CCSER1: variants seen among roughly 807,000 people sequenced by gnomAD.
CCSER1 encodes serine-rich coiled-coil domain-containing protein 1.
CCSER1 carries 41 observed loss-of-function variants against 82.0 expected under a neutral mutation model. The observed-to-expected ratio is 0.50, with a 90% CI of 0.39 to 0.65. CCSER1 has a LOEUF of 0.65. Ranked by LOEUF, CCSER1 falls within the 30% of genes least tolerant of loss-of-function variation. The probability of loss-of-function intolerance (pLI) is 0.00; values close to 1 mark genes in which losing one functional copy is unlikely to be tolerated. For synonymous variants in CCSER1, 414 were observed against 383.9 expected, an observed-to-expected ratio of 1.08 and a Z score of -0.92; for missense variants, 1,119 against 1,064.2, an observed-to-expected ratio of 1.05 and a Z score of -0.72.
At chr4:91,518,285 G>T (rs1760260618) in intron 10 of CCSER1, among the ~76,000 whole-genome samples, 2 of 152,154 alleles carry the variant, frequency 1.3e-5, no homozygotes, top group Admixed American at 6.5e-5. Context: ...AGTGCTATTG[G>T]CTCATGATGG....
At chr4:91,244,565 A>T (rs1739618674) in intron 10 of CCSER1, among the ~76,000 whole-genome samples, 1 of 152,250 alleles carries the variant, frequency 6.6e-6, no homozygotes, top group South Asian at 2.1e-4. Flanking sequence ...TCTGGATCTT[A>T]TCCATGTCCA....
At chr4:90,564,045 GC>G (rs1779090206) in intron 5 of CCSER1, among the ~76,000 whole-genome samples, 1 of 152,102 alleles carries the variant, frequency 6.6e-6, no homozygotes, top group Non-Finnish European at 1.5e-5. Flanking sequence ...ATGGTGTTGA[GC>G]ATTTTCTCAC....
At chr4:90,159,413 A>G (rs1729000654) in intron 1 of CCSER1, among the ~76,000 whole-genome samples, 1 of 152,176 alleles carries the variant, frequency 6.6e-6, no homozygotes, top group South Asian at 2.1e-4. Context: ...ACCTCGATGA[A>G]TGGTGAGGTC....
intron 9 of CCSER1, among the ~76,000 whole-genome samples, chr4:91,069,354 A>C (rs1458579906): frequency 6.6e-6 from 1 of 151,540 alleles, no homozygotes; most frequent in Non-Finnish European, 1.5e-5. Context: ...TATTCATTTC[A>C]CTTTTTTTTT....
chr4:90,581,650 A>T (rs1257202905), intron 5 of CCSER1, among the ~76,000 whole-genome samples: 1 of 152,168 alleles, frequency 6.6e-6, no homozygotes, highest in Non-Finnish European at 1.5e-5. Flanking sequence ...AAAACAAAAA[A>T]TATGGGTTCT....
rs189717796 is a variant in CCSER1, at chr4:91,031,364, T to C, written c.2173-54586T>C. On this transcript the variant is annotated intron_variant, in intron 9 of 10. Coordinates refer to ENST00000509176, the MANE Select transcript of CCSER1 (RefSeq NM_001145065.2). ...TTTACTCCTAAATAGTACTTTATGA[T>C]CTGGGTCTACTGTAGCACAAGGAAA... Among the ~76,000 whole-genome samples, 9 of 152,282 alleles carry C rather than the reference T, an allele frequency of 5.9e-5. No homozygotes were observed. The East Asian group carries it at 1.7e-3, about 29-fold the overall frequency.
chr4:90,214,474 T>C (rs1395215045), intron 1 of CCSER1, among the ~76,000 whole-genome samples: 3 of 152,174 alleles, frequency 2.0e-5, no homozygotes, highest in Non-Finnish European at 4.4e-5. Flanking sequence ...TTCTAAAATG[T>C]GATCACTCAG....
chr4:91,198,028 C>A (rs1344208560), intron 10 of CCSER1, among the ~76,000 whole-genome samples: 1 of 152,106 alleles, frequency 6.6e-6, no homozygotes, highest in Non-Finnish European at 1.5e-5. Context: ...TTAGTCTAAA[C>A]TGTCTTTACA....
chr4:90,242,112 G>A (rs765634780), intron 1 of CCSER1, among the ~76,000 whole-genome samples: 1 of 152,136 alleles, frequency 6.6e-6, no homozygotes, highest in African/African-American at 2.4e-5. Flanking sequence ...TTCAAGACCA[G>A]CCTGGCCAAC....
rs188200277 is a variant in CCSER1, at chr4:91,452,324, A to G, written c.2218-146248A>G. 4.3e-3 allele frequency among the ~76,000 whole-genome samples: 652 copies of G among 152,026 alleles called. 3 individuals carry two copies. The highest frequency in any genetic ancestry group is 0.015 in the African/African-American group (624 of 41,506). ...AAGCCTTTTGAAAACATTTTACAAA[A>G]TTTTCTGAACTCCATGGACTCCACG... On this transcript the variant is annotated intron_variant, in intron 10 of 10. Transcript: ENST00000509176.
chr4:90,197,045 G>A (rs1347723193), intron 1 of CCSER1, among the ~76,000 whole-genome samples: 1 of 152,100 alleles, frequency 6.6e-6, no homozygotes, highest in Non-Finnish European at 1.5e-5. Flanking sequence ...CCCAGGTTGA[G>A]ATCTGTGCTT....
At chr4:91,233,304 T>G (rs1738764386) in intron 10 of CCSER1, among the ~76,000 whole-genome samples, 1 of 151,910 alleles carries the variant, frequency 6.6e-6, no homozygotes, top group African/African-American at 2.4e-5. Context: ...AATAAAAATG[T>G]GCCATAGAGA....
At chr4:90,710,129 G>T (rs1740266899) in intron 6 of CCSER1, among the ~76,000 whole-genome samples, 2 of 151,718 alleles carry the variant, frequency 1.3e-5, no homozygotes, top group Admixed American at 6.6e-5. Context: ...CTTTTTAATG[G>T]GATTGTTTGT....
At chr4:91,362,565 CTAAT>C (rs1228089842) in intron 10 of CCSER1, among the ~76,000 whole-genome samples, 1 of 151,696 alleles carries the variant, frequency 6.6e-6, no homozygotes, top group Non-Finnish European at 1.5e-5. Flanking sequence ...CAGTTTAATG[CTAAT>C]TAATGCAGGA....
At chr4:91,286,623 A>G (rs1169605478) in intron 10 of CCSER1, among the ~76,000 whole-genome samples, 1 of 151,838 alleles carries the variant, frequency 6.6e-6, no homozygotes, top group Non-Finnish European at 1.5e-5. Flanking sequence ...CAAAGATGTG[A>G]CCCATAGATT....
intron 8 of CCSER1, among the ~76,000 whole-genome samples, chr4:90,881,751 C>G (rs781545039): frequency 2.1e-4 from 32 of 152,122 alleles, no homozygotes; most frequent in Non-Finnish European, 5.9e-5. Flanking sequence ...TATTACTGCA[C>G]TCCAAGCTGG....
At chr4:90,591,848 G>A (rs180710841) in intron 5 of CCSER1, among the ~76,000 whole-genome samples, 38 of 152,224 alleles carry the variant, frequency 2.5e-4, no homozygotes, top group Admixed American at 7.2e-4. Context: ...GGAATGCCAC[G>A]CTGCCATAAA....
chr4:90,533,088 T>A (rs960529704), intron 5 of CCSER1, among the ~76,000 whole-genome samples: 128 of 135,758 alleles, frequency 9.4e-4, no homozygotes, highest in Admixed American at 5.9e-3. Flanking sequence ...CTGTGGGTTT[T>A]TTTTTTTTTT....
chr4:90,708,661 CCTT>C (rs1464016064), intron 6 of CCSER1, among the ~76,000 whole-genome samples: 2 of 152,090 alleles, frequency 1.3e-5, no homozygotes, highest in African/African-American at 4.8e-5. Flanking sequence ...GAGAAGCCCT[CCTT>C]GTTCTATTGT....
Sources: gnomAD v4.1 joint callset for allele counts (sites outside exome capture counted in the v4.1 genomes callset) on GRCh38, gnomAD v4.1.1 for gene constraint, MANE v1.5 for transcripts, NCBI Gene and HGNC (gene_info 2026-07-23, HGNC 2026-07-21) for gene names.